The following DARS2 variants were observed in gnomAD, a reference collection of about 807,000 sequenced individuals.
The protein encoded by DARS2 is aspartyl-tRNA synthetase 2, mitochondrial.
A neutral mutation model predicts 83.0 loss-of-function variants in DARS2; 63 were observed. That is an observed-to-expected ratio of 0.76 (90% CI 0.62 to 0.94). The LOEUF (loss-of-function observed/expected upper bound fraction) is 0.94. Ranked by LOEUF, DARS2 falls within the 40% of genes least tolerant of loss-of-function variation. The pLI, the probability that DARS2 is intolerant of heterozygous loss-of-function variation, is 0.00. For missense variants in DARS2, 675 were observed against 774.4 expected (o/e 0.87, Z 1.52); for synonymous variants, 250 against 269.3 (o/e 0.93, Z 0.70).
chr1:173,847,841 A>T (rs1653492647), intron 12 of DARS2, among the ~76,000 whole-genome samples: 1 of 138,982 alleles, frequency 7.2e-6, no homozygotes, highest in African/African-American at 2.7e-5. Context: ...TGTCTTTCTG[A>T]ACCTTTTTTT....
In DARS2 at chr1:173,838,183, A is replaced by G; in HGVS notation, c.771-7A>G. 1.2e-6 allele frequency: 2 copies of G among 1,609,184 alleles called. No homozygotes were observed. Among genetic ancestry groups the G allele is most frequent in the African/African-American group, 1.3e-5 (1 of 74,910 alleles). On this transcript the variant is annotated splice_polypyrimidine_tract_variant and splice_region_variant and intron_variant, in intron 8 of 16. Transcript: ENST00000649689. ...ATAACTCAATTAATGCTATTTCTCA[A>G]TTGTAGATATTTTCAGGTTGCCCGA...
At chr1:173,836,063 A>AAAAAAATATT (rs1445429343) in intron 7 of DARS2, among the ~76,000 whole-genome samples, 1 of 151,780 alleles carries the variant, frequency 6.6e-6, no homozygotes, top group African/African-American at 2.4e-5. Flanking sequence ...TCTCAAAAAA[A>AAAAAAATATT]AAAAATATTA....
Position 173,856,721 on chromosome 1 carries a change from C to T in DARS2, c.1730C>T (p.Pro577Leu), listed in dbSNP as rs1329483876. 6.2e-7 allele frequency: 1 copy of T among 1,614,026 alleles called. No individual in the cohort carries two copies. Among genetic ancestry groups the T allele is most frequent in the South Asian group, 1.1e-5 (1 of 91,082 alleles). ...CAGGCTTTAGATTATGGGGCACCCC[C>T]TCATGGAGGAATTGCCTTAGGTAAA... ...LLQALDYGAP[P>L]HGGIALGLDR... Residue 577 changes from proline to leucine, a missense_variant, in exon 16 of 17, where the codon CCT (proline) becomes CTT (leucine). Pro to Leu is a moderately conservative substitution (Grantham distance 98). Transcript: ENST00000649689.
intron 13 of DARS2, chr1:173,852,035 T>A: frequency 1.0e-6 from 1 of 985,462 alleles, no homozygotes; most frequent in Non-Finnish European, 1.2e-6. Flanking sequence ...GGTGTTTCAT[T>A]CTCAGGAAGT....
intron 2 of DARS2, among the ~76,000 whole-genome samples, chr1:173,827,441 AAT>A (rs1346385263): frequency 2.0e-5 from 3 of 152,146 alleles, no homozygotes; most frequent in Non-Finnish European, 4.4e-5. Context: ...CAGCCCAGCC[AAT>A]ATGATGAAAC....
At position 173,837,009 on chromosome 1, in the gene DARS2, C is replaced by T; in HGVS notation, c.733C>T (p.Gln245Ter). ...KFYSLPQSPQQFKQLLMVGGL... is the reference protein window; with the variant it reads ...KFYSLPQSPQ ...TTATTCTCTCCCTCAGAGTCCTCAA[C>T]AGTTTAAGCAACTTCTGATGGTTGG... Residue 245 changes from glutamine to a stop codon, truncating the protein, a stop_gained, in exon 8 of 17, where the codon CAG (glutamine) becomes TAG (stop). Transcript: ENST00000649689. LOFTEE classifies it high-confidence loss of function. 1 of 1,613,984 alleles carries T rather than the reference C, an allele frequency of 6.2e-7. No individual in the cohort carries two copies. The highest frequency in any genetic ancestry group is 8.5e-7 in the Non-Finnish European group (1 of 1,179,962).
At chr1:173,840,626 C>T (rs1653167660) in intron 10 of DARS2, among the ~76,000 whole-genome samples, 1 of 152,146 alleles carries the variant, frequency 6.6e-6, no homozygotes, top group South Asian at 2.1e-4. Flanking sequence ...TTCCTTATTT[C>T]TGTGTCTTGG....
At chr1:173,825,952 G>A (rs1018343288) in intron 1 of DARS2, among the ~76,000 whole-genome samples, 1 of 151,422 alleles carries the variant, frequency 6.6e-6, no homozygotes, top group African/African-American at 2.4e-5. Context: ...GCCGGGCGCG[G>A]TGGCTCACGT....
chr1:173,844,778 ATTTTTTTTTTTTTTT>A (rs1164469532), intron 11 of DARS2, among the ~76,000 whole-genome samples: 8 of 56,838 alleles, frequency 1.4e-4, no homozygotes, highest in East Asian at 5.8e-4. Flanking sequence ...CAGAAATTGG[ATTTTTTTTTTTTTTT>A]TTTTTTTTTT....
At chr1:173,853,309 G>A (rs368761215) in intron 13 of DARS2, 40 bp from the exon 14 acceptor site, 8 of 1,595,612 alleles carry the variant, frequency 5.0e-6, no homozygotes, top group Non-Finnish European at 6.9e-6. Flanking sequence ...TGCCTGCTCT[G>A]TCAAGAAGTT....
chr1:173,853,932 G>A, intron 15 of DARS2, 27 bp downstream of exon 15: 1 of 1,564,890 alleles, frequency 6.4e-7, no homozygotes, highest in Admixed American at 1.7e-5. Flanking sequence ...GCTATCCTGG[G>A]CTTATTTTTT....
intron 11 of DARS2, 145 bp from the exon 12 acceptor site, chr1:173,845,084 C>T (rs1014511887): frequency 3.9e-5 from 24 of 613,172 alleles, no homozygotes; most frequent in African/African-American, 1.5e-4. Flanking sequence ...CATGAGCCAC[C>T]GCGCCCAGCC....
At chr1:173,825,671 G>T (rs976414821) in intron 1 of DARS2, among the ~76,000 whole-genome samples, 3 of 150,838 alleles carry the variant, frequency 2.0e-5, no homozygotes, top group Non-Finnish European at 4.4e-5. Flanking sequence ...GGGTTTCACT[G>T]TGTTAGCCAG....
chr1:173,856,118 CT>C (rs912544013), intron 15 of DARS2, among the ~76,000 whole-genome samples: 1 of 152,202 alleles, frequency 6.6e-6, no homozygotes, highest in African/African-American at 2.4e-5. Context: ...GCTTTGGCCT[CT>C]GTTTGTTTGA....
chr1:173,848,194 A>G (rs1480304563), intron 12 of DARS2, among the ~76,000 whole-genome samples: 2 of 152,106 alleles, frequency 1.3e-5, no homozygotes, highest in African/African-American at 4.8e-5. Flanking sequence ...CCCATCCTGG[A>G]TCCCAGGTTT....
At position 173,825,340 on chromosome 1, in the gene DARS2, A is replaced by G. The variant is rs745726135; in HGVS notation, c.111A>G (p.Ser37=). 98 of 1,613,464 alleles carry G rather than the reference A, an allele frequency of 6.1e-5. No individual in the cohort carries two copies. The highest frequency in any genetic ancestry group is 1.4e-5 in the Non-Finnish European group (16 of 1,179,720). Residue 37 remains serine, a synonymous_variant, in exon 1 of 17, where the codon TCA becomes TCG. Coordinates refer to ENST00000649689, the MANE Select transcript of DARS2 (RefSeq NM_018122.5). ...TCTACAGAAGTCTGTTGCAGAGTTC[A>G]CAGAGGAGAATTCCAGGTGAAAATA... ...GSLYRSLLQS[S]QRRIPEFSSF...
intron 2 of DARS2, 104 bp from the exon 3 acceptor site, chr1:173,828,229 G>A (rs1481354895): frequency 2.6e-6 from 3 of 1,141,534 alleles, no homozygotes; most frequent in Admixed American, 4.3e-5. Context: ...AAAGAAACAT[G>A]AAAAATTGCA....
intron 6 of DARS2, 127 bp downstream of exon 6, chr1:173,833,626 G>GTGTAATGTAGTTT: frequency 9.3e-7 from 1 of 1,073,208 alleles, no homozygotes; most frequent in Non-Finnish European, 1.4e-6. Context: ...TTCACTCAAT[G>GTGTAATGTAGTTT]TGTAATGTAG....
At chr1:173,830,613 T>C in intron 3 of DARS2, 47 bp from the exon 4 acceptor site, 3 of 1,458,736 alleles carry the variant, frequency 2.1e-6, no homozygotes, top group Non-Finnish European at 2.9e-6. Flanking sequence ...TGAAGATTCC[T>C]GTAAGTTCAT....
Sources: gnomAD v4.1 joint callset for allele counts (sites outside exome capture counted in the v4.1 genomes callset) on GRCh38, gnomAD v4.1.1 for gene constraint, MANE v1.5 for transcripts, NCBI Gene and HGNC (gene_info 2026-07-23, HGNC 2026-07-21) for gene names.